The following PKHD1L1 variants were observed in gnomAD, a reference collection of about 807,000 sequenced individuals.
The protein encoded by PKHD1L1 is fibrocystin-L.
A neutral mutation model predicts 462.9 loss-of-function variants in PKHD1L1; 434 were observed. The observed-to-expected ratio is 0.94, with a 90% CI of 0.87 to 1.02. The LOEUF (loss-of-function observed/expected upper bound fraction) is 1.02, where lower values mean the gene tolerates loss of function less well. PKHD1L1 is among the 50% of genes least tolerant of loss of function. PKHD1L1 has a pLI of 0.00. For missense variants in PKHD1L1, 5,202 were observed against 5,096.1 expected, an observed-to-expected ratio of 1.02 and a Z score of -0.63; for synonymous variants, 1,781 against 1,750.0, an observed-to-expected ratio of 1.02 and a Z score of -0.44.
intron 53 of PKHD1L1, 124 bp from the exon 54 acceptor site, chr8:109,479,427 C>A: frequency 1.6e-6 from 1 of 621,034 alleles, no homozygotes. Context: ...AAGGACAAAG[C>A]GTGCATTTTT....
chr8:109,419,238 A>C lies in PKHD1L1; in HGVS notation c.2502A>C (p.Thr834=). 6.2e-7 allele frequency: 1 copy of C among 1,607,132 alleles called. No individual in the cohort carries two copies. Among genetic ancestry groups the C allele is most frequent in the Non-Finnish European group, 8.5e-7 (1 of 1,175,892 alleles). ...FYVDVVYIGH[T]STISTLDEMP... ...TGGATGTAGTGTACATTGGACACAC[A>C]TCTACAATCTCAACATTGGATGGTA... The change falls in exon 22 of 78, where the codon ACA becomes ACC. Residue 834 remains threonine, a synonymous_variant. Coordinates refer to ENST00000378402, the MANE Select transcript of PKHD1L1 (RefSeq NM_177531.6).
At chr8:109,497,590 C>G (rs1819177874) in intron 65 of PKHD1L1, among the ~76,000 whole-genome samples, 1 of 151,948 alleles carries the variant, frequency 6.6e-6, no homozygotes, top group Non-Finnish European at 1.5e-5. Flanking sequence ...CCACGCCTGG[C>G]TAATTTTTTA....
intron 2 of PKHD1L1, among the ~76,000 whole-genome samples, chr8:109,372,330 C>T (rs1296144878): frequency 6.6e-6 from 1 of 152,112 alleles, no homozygotes; most frequent in African/African-American, 2.4e-5. Flanking sequence ...TATAACAATG[C>T]TTGTGATTTT....
At position 109,527,000 on chromosome 8, in the gene PKHD1L1, C is replaced by G. The variant is rs1820851234; in HGVS notation, c.12701C>G (p.Ser4234Ter). The G allele has an allele frequency of 6.2e-7, 1 of 1,610,496 alleles. No homozygotes were observed. The highest frequency in any genetic ancestry group is 1.7e-5 in the Admixed American group (1 of 59,904). ...WLLEIFMAAV[S>*]TLNITLRSY ...TTGGAAATATTTATGGCTGCAGTTT[C>G]AACTTTGAATATAACTTTAAGTAAG... The change falls in exon 77 of 78, where the codon TCA becomes TGA. Residue 4234 changes from serine (S) to a stop codon, truncating the protein, a stop_gained. Coordinates refer to ENST00000378402, the MANE Select transcript of PKHD1L1 (RefSeq NM_177531.6). LOFTEE classifies it low-confidence loss of function (END_TRUNC).
chr8:109,504,430 G>A lies in PKHD1L1; in HGVS notation c.10932G>A (p.Lys3644=). The A allele has an allele frequency of 6.4e-7, 1 of 1,565,134 alleles. No individual in the cohort carries two copies. Among genetic ancestry groups the A allele is most frequent in the Non-Finnish European group, 8.7e-7 (1 of 1,147,062 alleles). ...ATTTACAGCATCCAATCCATGTGAA[G>A]AATATAAAACTGGTTGATACCACTG... ...NEDLQHPIHV[K]NIKLVDTTEQ... Residue 3644 remains lysine, a synonymous_variant, in exon 68 of 78, where the codon AAG becomes AAA. Transcript: ENST00000378402.
chr8:109,443,531 T>C (rs1421051961), intron 36 of PKHD1L1, 145 bp from the exon 37 acceptor site: 1 of 654,612 alleles, frequency 1.5e-6, no homozygotes. Flanking sequence ...TTGTACTGCC[T>C]AAGACCCATT....
intron 2 of PKHD1L1, among the ~76,000 whole-genome samples, chr8:109,377,412 A>G (rs937151962): frequency 6.6e-6 from 1 of 152,166 alleles, no homozygotes; most frequent in Non-Finnish European, 1.5e-5. Context: ...GTCTGTAGGT[A>G]ATTAAATTCT....
Position 109,444,697 on chromosome 8 carries a change from A to G in PKHD1L1, c.4828A>G (p.Ser1610Gly). Residue 1610 changes from serine (S) to glycine (G), a missense_variant, in exon 38 of 78, where the codon AGT becomes GGT. Coordinates refer to ENST00000378402, the MANE Select transcript of PKHD1L1 (RefSeq NM_177531.6). ...TAGCTACCCCTGTGTCGTAGAAGAA[A>G]GTAGTGAGGATTCAATTACATGTCA... ...IGSYPCVVEE[S>G]SEDSITCHID... The G allele has an allele frequency of 1.2e-6, 2 of 1,613,916 alleles. No individual in the cohort carries two copies. Among genetic ancestry groups the G allele is most frequent in the South Asian group, 2.2e-5 (2 of 91,076 alleles).
chr8:109,369,583 C>A (rs1563709479), intron 2 of PKHD1L1, among the ~76,000 whole-genome samples: 1 of 151,712 alleles, frequency 6.6e-6, no homozygotes, highest in South Asian at 2.1e-4. Context: ...AAGAACAGAT[C>A]CATGTTACGT....
chr8:109,489,269 A>C (rs1473368682), intron 59 of PKHD1L1, among the ~76,000 whole-genome samples: 1 of 151,618 alleles, frequency 6.6e-6, no homozygotes, highest in Non-Finnish European at 1.5e-5. Flanking sequence ...CCTGTGCCTC[A>C]GTTTTTTTTA....
intron 43 of PKHD1L1, 121 bp downstream of exon 43, chr8:109,452,995 A>C: frequency 2.5e-6 from 2 of 793,296 alleles, no homozygotes; most frequent in Non-Finnish European, 3.5e-6. Flanking sequence ...TATACAGTGT[A>C]GTCCTGGGCT....
intron 38 of PKHD1L1, among the ~76,000 whole-genome samples, chr8:109,447,832 T>C (rs905597431): frequency 6.6e-6 from 1 of 152,192 alleles, no homozygotes; most frequent in Non-Finnish European, 1.5e-5. Context: ...ACTTCCTAAC[T>C]CTAGACCTGC....
chr8:109,464,578 T>A lies in PKHD1L1; in HGVS notation c.7746T>A (p.Phe2582Leu). Reference sequence around the variant, plus strand: ...ATGCTGTTGCTGGTGGCACTCACTTTGGCTTTTGGTACCGGATGAACAACC... The same window carrying A: ...ATGCTGTTGCTGGTGGCACTCACTTAGGCTTTTGGTACCGGATGAACAACC... Reference protein sequence around the residue: ...RHNAVAGGTHFGFWYRMNNHP... With the variant: ...RHNAVAGGTHLGFWYRMNNHP... The change falls in exon 49 of 78, where the codon TTT (phenylalanine) becomes TTA (leucine). Residue 2582 changes from phenylalanine (F) to leucine (L), a missense_variant. By Grantham distance (22) the Phe-to-Leu change is conservative. Coordinates refer to ENST00000378402, the MANE Select transcript of PKHD1L1 (RefSeq NM_177531.6). 3.1e-6 allele frequency: 5 copies of A among 1,613,308 alleles called. No homozygotes were observed. The highest frequency in any genetic ancestry group is 4.2e-6 in the Non-Finnish European group (5 of 1,179,772).
rs959104898 is a variant in PKHD1L1, at chr8:109,444,837, A to G, written c.4968A>G (p.Val1656=). Reference sequence around the variant, plus strand: ...CCAATGAATTTGATAGGCGATTTGTACTTTTGCCAAACATTGACCTGGTGT... The same window carrying G: ...CCAATGAATTTGATAGGCGATTTGTGCTTTTGCCAAACATTGACCTGGTGT... ...TLSNEFDRRF[V]LLPNIDLVLP... is the part of the protein sequence containing the mutation. The change falls in exon 38 of 78, where the codon GTA becomes GTG. Residue 1656 remains valine (V), a synonymous_variant. Coordinates refer to ENST00000378402, the MANE Select transcript of PKHD1L1 (RefSeq NM_177531.6). 1.2e-6 allele frequency: 2 copies of G among 1,613,914 alleles called. No individual in the cohort carries two copies. Among genetic ancestry groups the G allele is most frequent in the African/African-American group, 2.7e-5 (2 of 74,940 alleles).
chr8:109,507,838 A>G lies in PKHD1L1; in HGVS notation c.11170A>G (p.Met3724Val), dbSNP rs1415956653. 2 of 1,613,520 alleles carry G rather than the reference A, an allele frequency of 1.2e-6. No individual in the cohort carries two copies. The highest frequency in any genetic ancestry group is 2.7e-5 in the African/African-American group (2 of 74,894). The change falls in exon 69 of 78, where the codon ATG becomes GTG. Residue 3724 changes from methionine to valine, a missense_variant. Met to Val is a conservative substitution (Grantham distance 21). This residue lies in a region of PKHD1L1 where 698 missense variants were observed against 736.3 expected (regional missense o/e 0.95). Transcript: ENST00000378402. ...GIGDYRIPKAMLTFLNGSRIP... is the reference protein window; with the variant it reads ...GIGDYRIPKAVLTFLNGSRIP... ...TGGAGACTACAGAATTCCTAAGGCG[A>G]TGCTCACATTCTTGAATGGAAGTAG...
Position 109,419,107 on chromosome 8 carries a change from A to G in PKHD1L1, c.2371A>G (p.Thr791Ala). The part of the protein sequence containing the change: ...NFAYGNNWTY[T>A]CIDLLDLVRT... ...TCAACCGTATTTCAGCTGGACTTAC[A>G]CTTGCATAGACCTTCTGGATCTCGT... The change falls in exon 22 of 78, where the codon ACT becomes GCT. Residue 791 changes from threonine (T) to alanine (A), a missense_variant. Transcript: ENST00000378402. 4 of 1,612,440 alleles carry G rather than the reference A, an allele frequency of 2.5e-6. No homozygotes were observed. The highest frequency in any genetic ancestry group is 3.4e-6 in the Non-Finnish European group (4 of 1,178,878).
At chr8:109,440,615 A>G in intron 32 of PKHD1L1, 95 bp from the exon 33 acceptor site, 1 of 1,124,854 alleles carries the variant, frequency 8.9e-7, no homozygotes, top group East Asian at 2.4e-5. Context: ...ATATCCAGTT[A>G]TTTCCTCTTT....
chr8:109,500,861 G>T (rs1819374780), intron 67 of PKHD1L1, among the ~76,000 whole-genome samples: 1 of 152,038 alleles, frequency 6.6e-6, no homozygotes, highest in Non-Finnish European at 1.5e-5. Context: ...ACTTCTGCCA[G>T]GTGGTAAATG....
At chr8:109,490,653 A>T (rs1464905337) in intron 60 of PKHD1L1, among the ~76,000 whole-genome samples, 1 of 151,822 alleles carries the variant, frequency 6.6e-6, no homozygotes, top group East Asian at 1.9e-4. Flanking sequence ...ATTCTGAAAA[A>T]ATAAATTTTA....
Sources: gnomAD v4.1 joint callset for allele counts (sites outside exome capture counted in the v4.1 genomes callset) on GRCh38, gnomAD v4.1.1 for gene constraint, gnomAD v4.1.1 regional missense constraint, MANE v1.5 for transcripts, NCBI Gene and HGNC (gene_info 2026-07-23, HGNC 2026-07-21) for gene names.